The following MARCHF3 variants were observed in gnomAD, a reference collection of about 807,000 sequenced individuals.
MARCHF3 encodes the protein membrane associated ring-CH-type finger 3.
Under a neutral mutation model 24.2 loss-of-function variants are expected in MARCHF3, and 13 were observed. That is an observed-to-expected ratio of 0.54 (90% CI 0.35 to 0.85). MARCHF3 has a LOEUF of 0.85. Among genes scored for constraint, MARCHF3 ranks in the 40% least tolerant of loss-of-function variants. MARCHF3 has a pLI of 0.01. For synonymous variants in MARCHF3, 144 were observed against 137.3 expected (o/e 1.05, Z -0.34); for missense variants, 276 against 325.0 (o/e 0.85, Z 1.16).
intron 1 of MARCHF3, among the ~76,000 whole-genome samples, chr5:127,026,666 A>G (rs186989447): frequency 1.1e-4 from 16 of 152,362 alleles, no homozygotes; most frequent in African/African-American, 2.9e-4. Context: ...TGCAAGGCCA[A>G]CTTCTCAGTT....
rs751998682 is a variant in MARCHF3, at chr5:126,870,691, T to A, written c.704A>T (p.Gln235Leu). 77 of 1,614,082 alleles carry A rather than the reference T, an allele frequency of 4.8e-5. No individual in the cohort carries two copies. The highest frequency in any genetic ancestry group is 3.0e-5 in the Non-Finnish European group (35 of 1,180,056). Residue 235 changes from glutamine (Q) to leucine (L), a missense_variant, in exon 5 of 5, where the codon CAG (glutamine) becomes CTG (leucine). Coordinates refer to ENST00000308660, the MANE Select transcript of MARCHF3 (RefSeq NM_178450.5). Reference sequence around the variant, plus strand: ...CGAATGGAGGCCCAGCAAGGACGGCTGGTTAGAAGGTACATTGACAGACTT... The same window carrying A: ...CGAATGGAGGCCCAGCAAGGACGGCAGGTTAGAAGGTACATTGACAGACTT... ...IPKSVNVPSNQPSLLGLHSVK... is the reference protein window; with the variant it reads ...IPKSVNVPSNLPSLLGLHSVK...
intron 1 of MARCHF3, among the ~76,000 whole-genome samples, chr5:126,930,593 C>G (rs190979579): frequency 2.6e-5 from 4 of 152,348 alleles, no homozygotes; most frequent in Admixed American, 2.6e-4. Flanking sequence ...CCCAGAAAAG[C>G]CTGCAGGTGC....
intron 3 of MARCHF3, among the ~76,000 whole-genome samples, chr5:126,913,250 G>A (rs145380994): frequency 6.6e-6 from 1 of 152,306 alleles, no homozygotes; most frequent in African/African-American, 2.4e-5. Flanking sequence ...TTTTACTGGG[G>A]AAACGCTAGT....
In MARCHF3 at chr5:126,877,582, C is replaced by T. The variant is rs558368059; in HGVS notation, c.603+603G>A. ...AATTCTTCCTCACACACAGCGAGAA[C>T]ACTTATTGGGAAATGGCCTTTCTTT... On this transcript the variant is annotated intron_variant, in intron 4 of 4. Coordinates refer to ENST00000308660, the MANE Select transcript of MARCHF3 (RefSeq NM_178450.5). Among the ~76,000 whole-genome samples, 9 of 152,288 alleles carry T rather than the reference C, an allele frequency of 5.9e-5. No homozygotes were observed. The South Asian group carries it at 1.9e-3, about 32-fold the overall frequency.
intron 1 of MARCHF3, among the ~76,000 whole-genome samples, chr5:127,017,459 T>G (rs1407568742): frequency 6.6e-6 from 1 of 152,180 alleles, no homozygotes; most frequent in African/African-American, 2.4e-5. Context: ...GAACAGAACA[T>G]AAGTTGAAAA....
At chr5:126,914,563 T>C in intron 3 of MARCHF3, 1 of 324,022 alleles carries the variant, frequency 3.1e-6, no homozygotes, top group South Asian at 6.5e-5. Flanking sequence ...ATCTCCTGCT[T>C]CAAGTTGGGC....
At chr5:126,895,817 C>T (rs754440044) in intron 3 of MARCHF3, among the ~76,000 whole-genome samples, 11 of 152,162 alleles carry the variant, frequency 7.2e-5, no homozygotes, top group Non-Finnish European at 1.5e-4. Flanking sequence ...AGGCAGGCCT[C>T]CCTGAGCTGT....
intron 1 of MARCHF3, among the ~76,000 whole-genome samples, chr5:127,009,785 A>G (rs1052796099): frequency 2.0e-5 from 3 of 152,202 alleles, no homozygotes; most frequent in Non-Finnish European, 4.4e-5. Context: ...GATCAGACAC[A>G]TTTAGTTGGG....
chr5:126,878,347 G>A lies in MARCHF3; in HGVS notation c.441C>T (p.Gly147=), dbSNP rs1580592204. Residue 147 remains glycine, a synonymous_variant, in exon 4 of 5, where the codon GGC becomes GGT. Transcript: ENST00000308660. Reference sequence around the variant, plus strand: ...TTATAAACAAGAAGCACACCATGTCGCCAAACAGAGTCCGCTTCTCATGCT... The same window carrying A: ...TTATAAACAAGAAGCACACCATGTCACCAAACAGAGTCCGCTTCTCATGCT... ...GPQHEKRTLF[G]DMVCFLFITP... 3.1e-6 allele frequency: 5 copies of A among 1,614,108 alleles called. No homozygotes were observed. Among genetic ancestry groups the A allele is most frequent in the East Asian group, 4.5e-5 (2 of 44,882 alleles).
At chr5:126,968,360 T>A (rs185909523) in intron 1 of MARCHF3, among the ~76,000 whole-genome samples, 36 of 152,318 alleles carry the variant, frequency 2.4e-4, no homozygotes, top group Non-Finnish European at 5.0e-4. Context: ...ATCAGCAATG[T>A]ATAAGGGTTC....
At position 127,022,553 on chromosome 5, in the gene MARCHF3, A is replaced by C. The variant is rs375658835; in HGVS notation, c.-57+7797T>G. Among the ~76,000 whole-genome samples, 12 of 152,338 alleles carry C rather than the reference A, an allele frequency of 7.9e-5. No homozygotes were observed. The South Asian group carries it at 2.5e-3, about 32-fold the overall frequency. ...GAAAAGAAGATATGGGAAAATGCCA[A>C]AGCAAATTTCCACAGGGAGAACATC... is the stretch of plus-strand genomic sequence containing the variant. On this transcript the variant is annotated intron_variant, in intron 1 of 4. Coordinates refer to ENST00000308660, the MANE Select transcript of MARCHF3 (RefSeq NM_178450.5).
rs1436429359 is a variant in MARCHF3 at position 126,869,950 on chromosome 5, T to C, written c.*683A>G. 2 of 152,518 alleles carry C rather than the reference T, an allele frequency of 1.3e-5. No individual in the cohort carries two copies. The highest frequency in any genetic ancestry group is 4.8e-5 in the African/African-American group (2 of 41,382). The allele number at this position is 152,518 out of a possible 1,614,324, so 9.4% of individuals were successfully genotyped here. A position where few individuals can be genotyped will look rare whatever the true frequency, so the allele number is the denominator to read the frequency against. Reference sequence around the variant, plus strand: ...GTTGAAAGGAGCGAGCTTCTCACCATATTTTTTTTTCTCCTTAATGATATT... The same window carrying C: ...GTTGAAAGGAGCGAGCTTCTCACCACATTTTTTTTTCTCCTTAATGATATT... On this transcript the variant is annotated 3_prime_UTR_variant, in exon 5 of 5. Coordinates refer to ENST00000308660, the MANE Select transcript of MARCHF3 (RefSeq NM_178450.5).
chr5:126,952,848 G>T (rs1054146888), intron 1 of MARCHF3, among the ~76,000 whole-genome samples: 12 of 151,964 alleles, frequency 7.9e-5, no homozygotes, highest in Non-Finnish European at 1.3e-4. Flanking sequence ...GGTTTATAAC[G>T]CGAATTGCCT....
chr5:126,954,839 T>A (rs1013769491), intron 1 of MARCHF3, among the ~76,000 whole-genome samples: 10 of 152,198 alleles, frequency 6.6e-5, no homozygotes, highest in African/African-American at 2.4e-4. Context: ...TGTTTCCCAA[T>A]GCCTACCCTC....
chr5:127,013,278 GT>G (rs983215051), intron 1 of MARCHF3, among the ~76,000 whole-genome samples: 1 of 152,006 alleles, frequency 6.6e-6, no homozygotes, highest in African/African-American at 2.4e-5. Context: ...ACTTCATGCT[GT>G]TTTTCACCCA....
rs751895075 is a variant in MARCHF3 at position 126,995,537 on chromosome 5, A to C, written c.-57+34813T>G. Among the ~76,000 whole-genome samples the C allele has an allele frequency of 2.0e-4, 30 of 152,252 alleles. 1 individual carries two copies. Among genetic ancestry groups the C allele is most frequent in the Non-Finnish European group, 4.1e-4 (28 of 68,048 alleles). ...TAATCTATTATTCTGACTGAACATA[A>C]TACAGAAAAAAGAGACTTCCCTAAT... On this transcript the variant is annotated intron_variant, in intron 1 of 4. Transcript: ENST00000308660.
intron 1 of MARCHF3, among the ~76,000 whole-genome samples, chr5:126,951,831 A>G (rs1365069170): frequency 1.3e-5 from 2 of 151,562 alleles, no homozygotes; most frequent in Non-Finnish European, 2.9e-5. Flanking sequence ...TCCATTGTTC[A>G]GTGTTTCCTC....
At chr5:126,978,786 T>G (rs142637660) in intron 1 of MARCHF3, among the ~76,000 whole-genome samples, 1 of 152,204 alleles carries the variant, frequency 6.6e-6, no homozygotes, top group Non-Finnish European at 1.5e-5. Flanking sequence ...ACTGCTTTTA[T>G]GTACTGTGTG....
intron 3 of MARCHF3, among the ~76,000 whole-genome samples, chr5:126,910,551 G>A (rs1231831016): frequency 6.6e-6 from 1 of 152,222 alleles, no homozygotes; most frequent in South Asian, 2.1e-4. Context: ...AGATTTCATG[G>A]ACATTTATTA....
Sources: allele counts gnomAD v4.1 joint callset (sites outside exome capture counted in the v4.1 genomes callset), GRCh38; gene constraint gnomAD v4.1.1; transcripts MANE v1.5; gene names NCBI Gene and HGNC (gene_info 2026-07-23, HGNC 2026-07-21).